The following BEND3 variants were observed in gnomAD, a reference collection of about 807,000 sequenced individuals.
BEND3 encodes the protein BEN domain-containing protein 3.
Under a neutral mutation model 60.1 loss-of-function variants are expected in BEND3, and 13 were observed. The observed-to-expected ratio is 0.22, with a 90% confidence interval of 0.14 to 0.34. The LOEUF is 0.34. Among genes scored for constraint, BEND3 ranks in the 10% least tolerant of loss-of-function variants. The pLI is 1.00. For missense variants in BEND3, 896 were observed against 1,138.1 expected (o/e 0.79, Z 3.06); for synonymous variants, 497 against 491.5 (o/e 1.01, Z -0.15).
intron 1 of BEND3, among the ~76,000 whole-genome samples, chr6:107,100,204 G>T (rs978746128): frequency 6.6e-6 from 1 of 151,892 alleles, no homozygotes; most frequent in Non-Finnish European, 1.5e-5. Context: ...ATGTTGAAAT[G>T]ATAATATTTT....
chr6:107,107,172 G>A (rs1554237643), intron 1 of BEND3, among the ~76,000 whole-genome samples: 2 of 150,972 alleles, frequency 1.3e-5, no homozygotes, highest in Non-Finnish European at 3.0e-5. Context: ...CCTGACCTCA[G>A]CTGATCCACC....
chr6:107,101,252 T>C (rs1775696216), intron 1 of BEND3, among the ~76,000 whole-genome samples: 1 of 152,102 alleles, frequency 6.6e-6, no homozygotes, highest in Non-Finnish European at 1.5e-5. Flanking sequence ...AAATGTTCAG[T>C]GAACCATTCA....
At chr6:107,080,354 CAAAAAAAAAAAAA>C (rs11402351) in intron 3 of BEND3, among the ~76,000 whole-genome samples, 1 of 83,270 alleles carries the variant, frequency 1.2e-5, no homozygotes, top group African/African-American at 4.7e-5. Context: ...GATCCCATCT[CAAAAAAAAAAAAA>C]AAAAAAAAAA....
In BEND3 at chr6:107,069,070, C is replaced by T. The variant is rs1167522961; in HGVS notation, c.2121G>A (p.Val707=). The change falls in exon 4 of 4, where the codon GTG becomes GTA. Residue 707 remains valine (V), a synonymous_variant. Transcript: ENST00000369042. The part of the protein sequence containing the change: ...DFCKIPLDEL[V]VPSPDFPVPS... ...GCACCGGGAAGTCAGGCGAGGGGAC[C>T]ACCAGCTCGTCCAAGGGGATCTTGC... 1 of 1,613,208 alleles carries T rather than the reference C, an allele frequency of 6.2e-7. No individual in the cohort carries two copies. The highest frequency in any genetic ancestry group is 1.3e-5 in the African/African-American group (1 of 74,892).
rs782740322 is a variant in BEND3, at chr6:107,069,285, C to T, written c.1906G>A (p.Val636Met). The change falls in exon 4 of 4, where the codon GTG (valine) becomes ATG (methionine). Residue 636 changes from valine (V) to methionine (M), a missense_variant. Physicochemically the swap from Val to Met is conservative, Grantham distance 21 (BLOSUM62 1). Around this residue, in one of 4 missense-constraint regions of BEND3, gnomAD observed 846 missense variants for 1,036.7 expected, o/e 0.82. Transcript: ENST00000369042. Reference sequence around the variant, plus strand: ...CGGCAGCGCTCATCCAGTTTGCCCACGAACTCCAGGGTCCAGACGCGGTCG... The same window carrying T: ...CGGCAGCGCTCATCCAGTTTGCCCATGAACTCCAGGGTCCAGACGCGGTCG... Reference protein sequence around the residue: ...KNDRVWTLEFVGKLDERCRRR... With the variant: ...KNDRVWTLEFMGKLDERCRRR... 4.3e-6 allele frequency: 7 copies of T among 1,612,362 alleles called. No individual in the cohort carries two copies. Among genetic ancestry groups the T allele is most frequent in the Admixed American group, 1.7e-5 (1 of 59,918 alleles).
chr6:107,100,906 C>CT (rs1397852703), intron 1 of BEND3, among the ~76,000 whole-genome samples: 3 of 152,060 alleles, frequency 2.0e-5, no homozygotes, highest in African/African-American at 4.8e-5. Context: ...AGAAGTATCT[C>CT]TTAAGAAATT....
chr6:107,112,629 G>C (rs147812569), intron 1 of BEND3, among the ~76,000 whole-genome samples: 1 of 152,108 alleles, frequency 6.6e-6, no homozygotes, highest in East Asian at 1.9e-4. Context: ...CGAAGCTGGC[G>C]AATGACCTGA....
chr6:107,069,188 C>G lies in BEND3; in HGVS notation c.2003G>C (p.Arg668Thr), dbSNP rs138299782. The G allele has an allele frequency of 2.3e-4, 367 of 1,612,580 alleles. 4 individuals carry two copies. The African/African-American group carries it at 4.4e-3, about 19-fold the overall frequency. ...GTTGATTGCATAGCTGGTCAAGTCTCTGCACTCAGGGCCCGGCACGTGGAC... is the reference window on the plus strand; with the variant it reads ...GTTGATTGCATAGCTGGTCAAGTCTGTGCACTCAGGGCCCGGCACGTGGAC... The part of the protein sequence containing the change: ...RKVHVPGPEC[R>T]DLTSYAINPE... The change falls in exon 4 of 4, where the codon AGA (arginine) becomes ACA (threonine). Residue 668 changes from arginine (R) to threonine (T), a missense_variant. By Grantham distance (71) the Arg-to-Thr change is moderately conservative. Around this residue, in one of 4 missense-constraint regions of BEND3, gnomAD observed 846 missense variants for 1,036.7 expected, o/e 0.82. Transcript: ENST00000369042.
At chr6:107,089,632 T>G in intron 3 of BEND3, among the ~76,000 whole-genome samples, 1 of 145,280 alleles carries the variant, frequency 6.9e-6, no homozygotes. Flanking sequence ...TCTCGCTCTG[T>G]CACCCAGGCT....
At chr6:107,101,830 GCAGGT>G (rs1554236777) in intron 1 of BEND3, among the ~76,000 whole-genome samples, 1 of 152,180 alleles carries the variant, frequency 6.6e-6, no homozygotes, top group Non-Finnish European at 1.5e-5. Context: ...GAAACACACT[GCAGGT>G]CACCTGAATG....
At chr6:107,093,817 A>G (rs1271653042) in intron 3 of BEND3, among the ~76,000 whole-genome samples, 3 of 152,224 alleles carry the variant, frequency 2.0e-5, no homozygotes, top group Non-Finnish European at 2.9e-5. Flanking sequence ...GAAAACATAG[A>G]TGACCTTGGG....
chr6:107,109,239 T>G (rs1392384188), intron 1 of BEND3, among the ~76,000 whole-genome samples: 1 of 150,988 alleles, frequency 6.6e-6, no homozygotes, highest in African/African-American at 2.4e-5. Context: ...CACCTGAGGT[T>G]GAGAGACCAG....
In BEND3 at chr6:107,098,588, G is replaced by A; in HGVS notation, c.203C>T (p.Ser68Phe). Residue 68 changes from serine (S) to phenylalanine (F), a missense_variant, in exon 3 of 4, where the codon TCT becomes TTT. Physicochemically the swap from Ser to Phe is radical, Grantham distance 155 (BLOSUM62 -2). Coordinates refer to ENST00000369042, the MANE Select transcript of BEND3 (RefSeq NM_001367314.1). ...CCGCCTCCTCTTCACGCCGGGGACAGAGTCTAGCAGGCCATCGCTGACCAG... is the reference window on the plus strand; with the variant it reads ...CCGCCTCCTCTTCACGCCGGGGACAAAGTCTAGCAGGCCATCGCTGACCAG... ...KQLVSDGLLD[S>F]VPGVKRRRLI... 1.2e-6 allele frequency: 2 copies of A among 1,613,654 alleles called. No individual in the cohort carries two copies. The highest frequency in any genetic ancestry group is 1.1e-5 in the South Asian group (1 of 91,064).
rs782552286 is a variant in BEND3, at chr6:107,069,198, G to A, written c.1993C>T (p.Pro665Ser). 2.5e-6 allele frequency: 4 copies of A among 1,612,518 alleles called. No homozygotes were observed. Among genetic ancestry groups the A allele is most frequent in the South Asian group, 1.1e-5 (1 of 91,034 alleles). Residue 665 changes from proline to serine, a missense_variant, in exon 4 of 4, where the codon CCT (proline) becomes TCT (serine). By Grantham distance (74) the Pro-to-Ser change is moderately conservative. This residue lies in a region of BEND3 where 846 missense variants were observed against 1,036.7 expected (regional missense o/e 0.82). Coordinates refer to ENST00000369042, the MANE Select transcript of BEND3 (RefSeq NM_001367314.1). ...TAGCTGGTCAAGTCTCTGCACTCAG[G>A]GCCCGGCACGTGGACCTTGCGCTGC... ...QQQRKVHVPG[P>S]ECRDLTSYAI...
At chr6:107,101,170 C>A (rs1554236717) in intron 1 of BEND3, among the ~76,000 whole-genome samples, 1 of 152,132 alleles carries the variant, frequency 6.6e-6, no homozygotes, top group African/African-American at 2.4e-5. Flanking sequence ...CCACTATACC[C>A]CAGCCTGGGT....
intron 1 of BEND3, among the ~76,000 whole-genome samples, chr6:107,112,571 A>C (rs1770131423): frequency 6.6e-6 from 1 of 152,120 alleles, no homozygotes; most frequent in Non-Finnish European, 1.5e-5. Context: ...ACAAAAAAAA[A>C]CGCTGGGCGT....
At chr6:107,101,848 C>T (rs1775708175) in intron 1 of BEND3, among the ~76,000 whole-genome samples, 1 of 152,172 alleles carries the variant, frequency 6.6e-6, no homozygotes, top group African/African-American at 2.4e-5. Context: ...CCTGAATGCC[C>T]CTGCCCTTGG....
chr6:107,101,340 A>G (rs1178626189), intron 1 of BEND3, among the ~76,000 whole-genome samples: 2 of 152,222 alleles, frequency 1.3e-5, no homozygotes, highest in Non-Finnish European at 2.9e-5. Context: ...GATGGCAGCA[A>G]GAGGGAGAGT....
chr6:107,073,952 T>C (rs969595404), intron 3 of BEND3, among the ~76,000 whole-genome samples: 4 of 151,980 alleles, frequency 2.6e-5, no homozygotes, highest in African/African-American at 7.2e-5. Context: ...GGCATGAAGG[T>C]GTGGCTAAGA....
Sources: gnomAD v4.1 joint callset for allele counts (sites outside exome capture counted in the v4.1 genomes callset) on GRCh38, gnomAD v4.1.1 for gene constraint, gnomAD v4.1.1 regional missense constraint, MANE v1.5 for transcripts, NCBI Gene and HGNC (gene_info 2026-07-23, HGNC 2026-07-21) for gene names.